PIK3C3: variants seen among roughly 807,000 people sequenced by gnomAD.
PIK3C3 encodes PI3-kinase type 3.
In PIK3C3, 95 loss-of-function variants were observed where a neutral mutation model predicts 126.1. That is an observed-to-expected ratio of 0.75 (90% CI 0.64 to 0.89). PIK3C3 has a LOEUF of 0.89. Among genes scored for constraint, PIK3C3 ranks in the 40% least tolerant of loss-of-function variants. The pLI, the probability that PIK3C3 is intolerant of heterozygous loss-of-function variation, is 0.00. For missense variants in PIK3C3, 829 were observed against 1,063.2 expected, an observed-to-expected ratio of 0.78 and a Z score of 3.06; for synonymous variants, 374 against 360.0, an observed-to-expected ratio of 1.04 and a Z score of -0.44.
At chr18:42,043,712 A>G (rs1366423798) in intron 19 of PIK3C3, 21 bp from the exon 20 acceptor site, 3 of 1,516,958 alleles carry the variant, frequency 2.0e-6, no homozygotes, top group East Asian at 2.3e-5. Flanking sequence ...ATTCTAAAAC[A>G]TGTAAATAAT....
intron 20 of PIK3C3, among the ~76,000 whole-genome samples, chr18:42,047,196 A>T (rs1215750608): frequency 2.0e-5 from 3 of 152,194 alleles, no homozygotes; most frequent in Non-Finnish European, 4.4e-5. Flanking sequence ...ATAATTTAAA[A>T]ATGGGAATAG....
chr18:42,011,497 T>G (rs1158139202), intron 10 of PIK3C3, among the ~76,000 whole-genome samples: 2 of 152,208 alleles, frequency 1.3e-5, no homozygotes, highest in Admixed American at 6.5e-5. Context: ...TTTATAGAAA[T>G]GGAGAGAATT....
intron 9 of PIK3C3, among the ~76,000 whole-genome samples, chr18:42,003,707 A>C (rs1364778324): frequency 6.6e-6 from 1 of 152,230 alleles, no homozygotes; most frequent in Non-Finnish European, 1.5e-5. Context: ...GTGAGGTTGC[A>C]GAAAGATGTA....
At chr18:42,051,492 TATTA>T (rs1338350515) in intron 21 of PIK3C3, among the ~76,000 whole-genome samples, 2 of 152,004 alleles carry the variant, frequency 1.3e-5, no homozygotes, top group Non-Finnish European at 2.9e-5. Context: ...ATAATGGTCC[TATTA>T]ATTTATAATT....
intron 21 of PIK3C3, among the ~76,000 whole-genome samples, chr18:42,053,777 G>GA (rs2144497513): frequency 6.6e-6 from 1 of 152,068 alleles, no homozygotes; most frequent in East Asian, 1.9e-4. Flanking sequence ...CAGTATAACT[G>GA]AAAAATATGT....
intron 7 of PIK3C3, among the ~76,000 whole-genome samples, 183 bp from the exon 8 acceptor site, chr18:41,995,707 C>T (rs1241138844): frequency 1.3e-5 from 2 of 152,098 alleles, no homozygotes; most frequent in East Asian, 3.8e-4. Context: ...TTAAGGCATA[C>T]TTAGTTTCCC....
chr18:41,980,980 T>A (rs1981170128), intron 4 of PIK3C3, among the ~76,000 whole-genome samples: 1 of 152,164 alleles, frequency 6.6e-6, no homozygotes, highest in Non-Finnish European at 1.5e-5. Context: ...TTATGATAAA[T>A]GCTGAAATTA....
At chr18:41,963,781 C>T (rs1980217264) in intron 3 of PIK3C3, among the ~76,000 whole-genome samples, 1 of 147,848 alleles carries the variant, frequency 6.8e-6, no homozygotes, top group African/African-American at 2.5e-5. Context: ...GTACTTTGTC[C>T]TTTTTAGAAA....
intron 4 of PIK3C3, among the ~76,000 whole-genome samples, chr18:41,979,064 T>TAAAAA (rs5824388): frequency 4.3e-5 from 4 of 93,768 alleles, no homozygotes; most frequent in African/African-American, 8.5e-5. Context: ...CCCCGTCTCT[T>TAAAAA]AAAAAAAAAA....
intron 21 of PIK3C3, among the ~76,000 whole-genome samples, chr18:42,056,333 G>C (rs1255451570): frequency 1.3e-5 from 2 of 152,040 alleles, no homozygotes; most frequent in Admixed American, 1.3e-4. Context: ...TGACAAGAAG[G>C]ATAGAAATAT....
chr18:42,035,638 A>G (rs1984015897), intron 16 of PIK3C3, among the ~76,000 whole-genome samples: 1 of 152,164 alleles, frequency 6.6e-6, no homozygotes. Context: ...TATTAGTTAT[A>G]TAGAGTGTCT....
At chr18:42,018,884 C>A (rs1471315067) in intron 12 of PIK3C3, among the ~76,000 whole-genome samples, 1 of 152,136 alleles carries the variant, frequency 6.6e-6, no homozygotes, top group African/African-American at 2.4e-5. Flanking sequence ...CATAGCATAG[C>A]ATGTTGGTGT....
chr18:42,046,635 T>G (rs1336705053), intron 20 of PIK3C3, among the ~76,000 whole-genome samples: 6 of 152,150 alleles, frequency 3.9e-5, no homozygotes, highest in Admixed American at 1.3e-4. Flanking sequence ...AAGAATAACA[T>G]CAATTTCCCT....
intron 18 of PIK3C3, among the ~76,000 whole-genome samples, chr18:42,039,663 A>G (rs1455833543): frequency 6.6e-6 from 1 of 152,166 alleles, no homozygotes; most frequent in African/African-American, 2.4e-5. Flanking sequence ...TGGCCTATTA[A>G]TTTTATTATC....
intron 10 of PIK3C3, among the ~76,000 whole-genome samples, chr18:42,010,602 G>T (rs895361391): frequency 6.6e-6 from 1 of 152,124 alleles, no homozygotes; most frequent in Non-Finnish European, 1.5e-5. Flanking sequence ...CTGACTTCGG[G>T]TGATCCACCC....
intron 21 of PIK3C3, among the ~76,000 whole-genome samples, chr18:42,057,156 T>A (rs986128843): frequency 2.6e-5 from 4 of 151,092 alleles, no homozygotes; most frequent in African/African-American, 9.7e-5. Flanking sequence ...GAAAACAGAT[T>A]TATAAATCAA....
At chr18:41,986,396 C>T (rs1034393630) in intron 4 of PIK3C3, among the ~76,000 whole-genome samples, 3 of 151,948 alleles carry the variant, frequency 2.0e-5, no homozygotes, top group African/African-American at 4.8e-5. Flanking sequence ...GAGCATATTG[C>T]GAAGTGAGTA....
chr18:41,973,988 A>G (rs1299272736), intron 4 of PIK3C3, among the ~76,000 whole-genome samples: 3 of 152,192 alleles, frequency 2.0e-5, no homozygotes, highest in African/African-American at 7.2e-5. Flanking sequence ...AAAGATATAC[A>G]TAAATCTTAA....
chr18:41,996,758 C>A, intron 9 of PIK3C3, 28 bp downstream of exon 9: 2 of 1,050,862 alleles, frequency 1.9e-6, no homozygotes, highest in South Asian at 1.5e-5. Context: ...TTTCATATAT[C>A]AAATTTATCT....
Sources: allele counts gnomAD v4.1 joint callset (sites outside exome capture counted in the v4.1 genomes callset), GRCh38; gene constraint gnomAD v4.1.1; transcripts MANE v1.5; gene names NCBI Gene and HGNC (gene_info 2026-07-23, HGNC 2026-07-21).